RAI1: variants seen among roughly 807,000 people sequenced by gnomAD.
RAI1 encodes retinoic acid-induced protein 1.
In RAI1, 9 loss-of-function variants were observed where a neutral mutation model predicts 123.8. That is an observed-to-expected ratio of 0.07 (90% CI 0.04 to 0.13). The LOEUF is 0.13. RAI1 is among the 10% of genes least tolerant of loss of function. The pLI, the probability that RAI1 is intolerant of heterozygous loss-of-function variation, is 1.00. For synonymous variants in RAI1, 1,231 were observed against 1,127.3 expected, an observed-to-expected ratio of 1.09 and a Z score of -1.84; for missense variants, 2,256 against 2,545.8, an observed-to-expected ratio of 0.89 and a Z score of 2.45.
chr17:17,810,911 A>G lies in RAI1; in HGVS notation c.*930A>G, dbSNP rs1180728856. On this transcript the variant is annotated 3_prime_UTR_variant, in exon 6 of 6. Coordinates refer to ENST00000353383, the MANE Select transcript of RAI1 (RefSeq NM_030665.4). This position sits in a 1 kb window ranked among gnomAD's most constrained non-coding sequence, Gnocchi z 4.6. Reference sequence around the variant, plus strand: ...GTGTACAAAACCTGTGTACCCCTCTATATATATGTTACATAGAATGTATAT... The same window carrying G: ...GTGTACAAAACCTGTGTACCCCTCTGTATATATGTTACATAGAATGTATAT... The G allele has an allele frequency of 1.0e-5, 4 of 399,890 alleles. No homozygotes were observed. In the East Asian group the frequency reaches 3.3e-4, roughly 33 times the overall value. The allele number at this position is 399,890 out of a possible 1,614,324, so 24.8% of individuals were successfully genotyped here.
intron 2 of RAI1, among the ~76,000 whole-genome samples, chr17:17,745,012 A>G (rs985872879): frequency 6.6e-6 from 1 of 152,090 alleles, no homozygotes; most frequent in Admixed American, 6.5e-5. Context: ...GGGCTCTCAC[A>G]GTCCTGGTGG....
intron 1 of RAI1, among the ~76,000 whole-genome samples, chr17:17,696,800 GC>G (rs1159191061): frequency 6.6e-6 from 1 of 152,206 alleles, no homozygotes; most frequent in Non-Finnish European, 1.5e-5. Context: ...CTTTACTCTG[GC>G]CCAGATATGC....
intron 4 of RAI1, among the ~76,000 whole-genome samples, chr17:17,807,410 G>A (rs895918123): frequency 3.9e-5 from 6 of 152,162 alleles, no homozygotes; most frequent in Middle Eastern, 3.2e-3. Context: ...CCTGCACTGC[G>A]CTGTCCTGGC....
chr17:17,795,421 C>A lies in RAI1; in HGVS notation c.2473C>A (p.Leu825Met). The change falls in exon 3 of 6, where the codon CTG becomes ATG. Residue 825 changes from leucine (L) to methionine (M), a missense_variant. Leu to Met is a conservative substitution (Grantham distance 15). Transcript: ENST00000353383. The surrounding 1 kb of genome is among the most constrained non-coding windows in gnomAD (Gnocchi z 5.9). ...VGGVKEEAGG[L>M]LQCPEVAKAD... is the part of the protein sequence containing the mutation. ...TGGGGTGAAGGAGGAGGCAGGTGGG[C>A]TGCTGCAGTGCCCCGAGGTGGCCAA... 1 of 1,589,818 alleles carries A rather than the reference C, an allele frequency of 6.3e-7. No homozygotes were observed. The highest frequency in any genetic ancestry group is 8.6e-7 in the Non-Finnish European group (1 of 1,166,064).
chr17:17,731,854 G>A (rs537960575), intron 2 of RAI1, among the ~76,000 whole-genome samples: 4 of 152,140 alleles, frequency 2.6e-5, no homozygotes, highest in Non-Finnish European at 5.9e-5. Context: ...GTTCAGTCTC[G>A]GCTGAGAAGT....
At chr17:17,789,202 G>C (rs986411308) in intron 2 of RAI1, among the ~76,000 whole-genome samples, 1 of 152,264 alleles carries the variant, frequency 6.6e-6, no homozygotes, top group Non-Finnish European at 1.5e-5. Flanking sequence ...AGTCACTGCC[G>C]CTGCTGCTGA....
At chr17:17,697,106 A>T (rs1192833952) in intron 1 of RAI1, among the ~76,000 whole-genome samples, 1 of 152,110 alleles carries the variant, frequency 6.6e-6, no homozygotes, top group Non-Finnish European at 1.5e-5. Flanking sequence ...CTTCTCCCCT[A>T]TTCCAGAACG....
At chr17:17,707,966 G>T (rs1460043309) in intron 1 of RAI1, among the ~76,000 whole-genome samples, 1 of 152,118 alleles carries the variant, frequency 6.6e-6, no homozygotes, top group African/African-American at 2.4e-5. Context: ...TATCTCACAG[G>T]CTCCCTCAGG....
chr17:17,796,655 A>G lies in RAI1; in HGVS notation c.3707A>G (p.Lys1236Arg). The change falls in exon 3 of 6, where the codon AAG (lysine) becomes AGG (arginine). Residue 1236 changes from lysine (K) to arginine (R), a missense_variant. Around this residue, in one of 7 missense-constraint regions of RAI1, gnomAD observed 322 missense variants for 358.0 expected, o/e 0.90. Coordinates refer to ENST00000353383, the MANE Select transcript of RAI1 (RefSeq NM_030665.4). This position sits in a 1 kb window ranked among gnomAD's most constrained non-coding sequence, Gnocchi z 5.8. ...TTCATGGCGCCGGTCCCCACCAAGAAGCGGAACCTGGTCTTGCGGAGCCGC... is the reference window on the plus strand; with the variant it reads ...TTCATGGCGCCGGTCCCCACCAAGAGGCGGAACCTGGTCTTGCGGAGCCGC... ...SAFMAPVPTK[K>R]RNLVLRSRSS... The G allele has an allele frequency of 6.2e-7, 1 of 1,612,244 alleles. No homozygotes were observed. The highest frequency in any genetic ancestry group is 8.5e-7 in the Non-Finnish European group (1 of 1,179,214).
intron 1 of RAI1, among the ~76,000 whole-genome samples, chr17:17,712,420 C>A (rs1441442485): frequency 6.6e-6 from 1 of 152,138 alleles, no homozygotes; most frequent in African/African-American, 2.4e-5. Flanking sequence ...GTGTTAGAGG[C>A]CTGTGTGGCT....
intron 2 of RAI1, among the ~76,000 whole-genome samples, chr17:17,757,308 G>A (rs1403582638): frequency 1.3e-5 from 2 of 152,232 alleles, no homozygotes; most frequent in Admixed American, 1.3e-4. Flanking sequence ...AGAGGCCAAG[G>A]TGGGTTTGCG....
chr17:17,710,705 G>A (rs1915539678), intron 1 of RAI1, among the ~76,000 whole-genome samples: 1 of 152,232 alleles, frequency 6.6e-6, no homozygotes, highest in African/African-American at 2.4e-5. Flanking sequence ...GAGAAACTGA[G>A]GTAAAAAAGT....
At chr17:17,757,762 TAC>T (rs1256521202) in intron 2 of RAI1, among the ~76,000 whole-genome samples, 3 of 152,160 alleles carry the variant, frequency 2.0e-5, no homozygotes, top group Non-Finnish European at 4.4e-5. Context: ...CTACTTGAGA[TAC>T]ACCTGCTCAC....
intron 4 of RAI1, 58 bp downstream of exon 4, chr17:17,803,907 A>G (rs767627296): frequency 6.7e-6 from 10 of 1,498,606 alleles, no homozygotes; most frequent in Non-Finnish European, 9.3e-7. Flanking sequence ...GTCCAGGGGG[A>G]CCCTCCCTGG....
At chr17:17,757,944 C>T (rs1038869702) in intron 2 of RAI1, among the ~76,000 whole-genome samples, 9 of 152,240 alleles carry the variant, frequency 5.9e-5, no homozygotes, top group East Asian at 1.9e-4. Flanking sequence ...TTCTGGGCCT[C>T]GGTTTCCCTG....
chr17:17,809,464 G>C lies in RAI1; in HGVS notation c.5709+25G>C. On this transcript the variant is annotated intron_variant, in intron 5 of 5. Coordinates refer to ENST00000353383, the MANE Select transcript of RAI1 (RefSeq NM_030665.4). This position sits in a 1 kb window ranked among gnomAD's most constrained non-coding sequence, Gnocchi z 4.9. ...GGTAGGGGACCACAGTGTTTTGTAG[G>C]GCGAGGGGTGTCAAGCGGGAGAGGA... 6.3e-7 allele frequency: 1 copy of C among 1,575,304 alleles called. No homozygotes were observed. The highest frequency in any genetic ancestry group is 8.7e-7 in the Non-Finnish European group (1 of 1,145,330).
chr17:17,706,991 G>GCTC (rs1915414943), intron 1 of RAI1, among the ~76,000 whole-genome samples: 1 of 152,208 alleles, frequency 6.6e-6, no homozygotes, highest in Non-Finnish European at 1.5e-5. Context: ...GCCCTGGTGA[G>GCTC]CTCCTTCCTG....
chr17:17,761,250 C>CTT (rs56047340), intron 2 of RAI1, among the ~76,000 whole-genome samples: 1 of 145,972 alleles, frequency 6.9e-6, no homozygotes, highest in Non-Finnish European at 1.5e-5. Flanking sequence ...TCTTCTAAGG[C>CTT]TTTTTTTTTT....
chr17:17,798,455 A>G lies in RAI1; in HGVS notation c.5507A>G (p.Tyr1836Cys), dbSNP rs769459615. 11 of 1,607,854 alleles carry G rather than the reference A, an allele frequency of 6.8e-6. No homozygotes were observed. Among genetic ancestry groups the G allele is most frequent in the Admixed American group, 1.7e-5 (1 of 59,994 alleles). ...TGTGCCGTGTGGACCGGCGGCGTCTACCTGGTGGCCGGGAAGCTCTTTGGG... is the reference window on the plus strand; with the variant it reads ...TGTGCCGTGTGGACCGGCGGCGTCTGCCTGGTGGCCGGGAAGCTCTTTGGG... ...EACAVWTGGV[Y>C]LVAGKLFGLQ... The change falls in exon 3 of 6, where the codon TAC (tyrosine) becomes TGC (cysteine). Residue 1836 changes from tyrosine to cysteine, a missense_variant. This residue lies in a region of RAI1 where 243 missense variants were observed against 316.6 expected (regional missense o/e 0.77). Coordinates refer to ENST00000353383, the MANE Select transcript of RAI1 (RefSeq NM_030665.4).
Sources: gnomAD v4.1 joint callset for allele counts (sites outside exome capture counted in the v4.1 genomes callset) on GRCh38, gnomAD v4.1.1 for gene constraint, gnomAD v4.1.1 regional missense constraint, Gnocchi (gnomAD v3.1) non-coding constraint, MANE v1.5 for transcripts, NCBI Gene and HGNC (gene_info 2026-07-23, HGNC 2026-07-21) for gene names.